Variants in RBBP6 observed in about 807,000 individuals in gnomAD.
RBBP6 encodes E3 ubiquitin-protein ligase RBBP6.
RBBP6 carries 25 observed loss-of-function variants against 167.7 expected under a neutral mutation model. That is an observed-to-expected ratio of 0.15 (90% CI 0.11 to 0.21). The LOEUF is 0.21. Among genes scored for constraint, RBBP6 ranks in the 10% least tolerant of loss-of-function variants. The pLI, the probability that RBBP6 is intolerant of heterozygous loss-of-function variation, is 1.00. For missense variants in RBBP6, 1,868 were observed against 2,134.2 expected, an observed-to-expected ratio of 0.88 and a Z score of 2.46; for synonymous variants, 789 against 735.8, an observed-to-expected ratio of 1.07 and a Z score of -1.17.
In RBBP6 at chr16:24,570,024, A is replaced by G. The variant is rs767747898; in HGVS notation, c.3334A>G (p.Lys1112Glu). Residue 1112 changes from lysine to glutamate, a missense_variant, in exon 17 of 18, where the codon AAG becomes GAG. Around this residue, in one of 7 missense-constraint regions of RBBP6, gnomAD observed 673 missense variants for 691.5 expected, o/e 0.97. Transcript: ENST00000319715. ...ACCAGTCAAAGAGGAAAAAGTGAAG[A>G]AGGACTATTCCAAAGATGTCAAATC... The part of the protein sequence containing the change: ...TKPVKEEKVK[K>E]DYSKDVKSEK... The G allele has an allele frequency of 1.0e-5, 16 of 1,604,950 alleles. No individual in the cohort carries two copies. The East Asian group carries it at 3.3e-4, about 34-fold the overall frequency.
rs1205627265 is a variant in RBBP6 at position 24,571,177 on chromosome 16, G to A, written c.4111G>A (p.Glu1371Lys). Residue 1371 changes from glutamate to lysine, a missense_variant, in exon 18 of 18, where the codon GAG becomes AAG. Physicochemically the swap from Glu to Lys is moderately conservative, Grantham distance 56 (BLOSUM62 1). Coordinates refer to ENST00000319715, the MANE Select transcript of RBBP6 (RefSeq NM_006910.5). ...TCCTGAGAAAGAAAGTGAGCCATCC[G>A]AGAAAATTCAGAAATTCACCAAGGA... is the stretch of plus-strand genomic sequence containing the variant. ...KYPEKESEPSEKIQKFTKDVS... is the reference protein window; with the variant it reads ...KYPEKESEPSKKIQKFTKDVS... 1.9e-6 allele frequency: 3 copies of A among 1,613,818 alleles called. No individual in the cohort carries two copies. Among genetic ancestry groups the A allele is most frequent in the Non-Finnish European group, 1.7e-6 (2 of 1,179,790 alleles).
At position 24,540,302 on chromosome 16, in the gene RBBP6, C is replaced by T. The variant is rs1004423069; in HGVS notation, c.-325C>T. On this transcript the variant is annotated 5_prime_UTR_variant, in exon 1 of 18. Coordinates refer to ENST00000319715, the MANE Select transcript of RBBP6 (RefSeq NM_006910.5). Reference sequence around the variant, plus strand: ...GACCGCTACTGACTGCACCGCCAATCCCCCCGTCTCTGCCGGCCCCTTAGC... The same window carrying T: ...GACCGCTACTGACTGCACCGCCAATTCCCCCGTCTCTGCCGGCCCCTTAGC... 4 of 243,134 alleles carry T rather than the reference C, an allele frequency of 1.6e-5. No homozygotes were observed. Among genetic ancestry groups the T allele is most frequent in the South Asian group, 1.1e-4 (2 of 17,858 alleles). The allele number at this position is 243,134 out of a possible 1,614,324, so 15.1% of individuals were successfully genotyped here.
chr16:24,550,532 G>GTT (rs1225931752), intron 3 of RBBP6, among the ~76,000 whole-genome samples: 1 of 151,624 alleles, frequency 6.6e-6, no homozygotes, highest in Non-Finnish European at 1.5e-5. Context: ...ATAAAGTACA[G>GTT]TTTATATAGT....
intron 3 of RBBP6, chr16:24,549,403 A>G (rs1199184766): frequency 1.0e-6 from 1 of 994,956 alleles, no homozygotes; most frequent in Non-Finnish European, 1.2e-6. Flanking sequence ...TGGAGTGTAT[A>G]TTTTGCCATT....
chr16:24,556,995 CTTTTTT>C (rs397962167), intron 7 of RBBP6, among the ~76,000 whole-genome samples: 1 of 108,862 alleles, frequency 9.2e-6, no homozygotes, highest in African/African-American at 3.6e-5. Context: ...ACCTTAATGC[CTTTTTT>C]TTTTTTTTTT....
intron 10 of RBBP6, among the ~76,000 whole-genome samples, chr16:24,562,638 C>G (rs567686903): frequency 1.3e-5 from 2 of 148,504 alleles, no homozygotes; most frequent in African/African-American, 5.0e-5. Context: ...CCTACCACTT[C>G]AGAAATGAGA....
chr16:24,567,857 A>G lies in RBBP6; in HGVS notation c.2018A>G (p.Lys673Arg). The change falls in exon 16 of 18, where the codon AAA becomes AGA. Residue 673 changes from lysine to arginine, a missense_variant. Physicochemically the swap from Lys to Arg is conservative, Grantham distance 26 (BLOSUM62 2). Around this residue, in one of 7 missense-constraint regions of RBBP6, gnomAD observed 145 missense variants for 224.3 expected, o/e 0.65. Transcript: ENST00000319715. ...NDFAKELMEY[K>R]KIQKERRRSF... ...TTTGCTAAGGAATTGATGGAATACA[A>G]AAAGATTCAAAAGGAGCGTAGGCGC... is the stretch of plus-strand genomic sequence containing the variant. The G allele has an allele frequency of 3.1e-6, 5 of 1,613,808 alleles. No homozygotes were observed. The highest frequency in any genetic ancestry group is 4.2e-6 in the Non-Finnish European group (5 of 1,179,790).
chr16:24,546,079 G>T, intron 1 of RBBP6, 84 bp from the exon 2 acceptor site: 1 of 1,459,188 alleles, frequency 6.9e-7, no homozygotes, highest in South Asian at 1.4e-5. Flanking sequence ...CATTTCCCAT[G>T]AAATTTATAT....
rs1320048438 is a variant in RBBP6 at position 24,570,491 on chromosome 16, T to C, written c.3801T>C (p.Asp1267=). 6.3e-7 allele frequency: 1 copy of C among 1,576,364 alleles called. No individual in the cohort carries two copies. Among genetic ancestry groups the C allele is most frequent in the African/African-American group, 1.4e-5 (1 of 72,836 alleles). ...GTEGSSSTLV[D]YTSTSSTGGS... The stretch of plus-strand genomic sequence containing the variant: ...AAGGATCCAGCTCAACTCTGGTGGA[T>C]TACACCAGGTAGCTGAGTGTAGGGG... The change falls in exon 17 of 18, where the codon GAT becomes GAC. Residue 1267 remains aspartate, a synonymous_variant. Transcript: ENST00000319715.
At chr16:24,548,833 A>T (rs949809984) in intron 2 of RBBP6, 112 bp from the exon 3 acceptor site, 2 of 857,814 alleles carry the variant, frequency 2.3e-6, no homozygotes, top group Non-Finnish European at 3.6e-6. Flanking sequence ...ATTTATACCA[A>T]AGGAAAATTA....
Position 24,569,409 on chromosome 16 carries a change from G to A in RBBP6, c.2719G>A (p.Gly907Ser), listed in dbSNP as rs762098320. 23 of 1,613,824 alleles carry A rather than the reference G, an allele frequency of 1.4e-5. No individual in the cohort carries two copies. Among genetic ancestry groups the A allele is most frequent in the African/African-American group, 4.0e-5 (3 of 74,846 alleles). ...NYPEKLSARD[G>S]HNQKDNTKSK... ...TCCAGAAAAGCTTTCAGCAAGAGAT[G>A]GTCACAATCAGAAGGATAATACAAA... is the stretch of plus-strand genomic sequence containing the variant. Residue 907 changes from glycine to serine, a missense_variant, in exon 17 of 18, where the codon GGT becomes AGT. Transcript: ENST00000319715.
Position 24,570,938 on chromosome 16 carries a change from C to G in RBBP6, c.3872C>G (p.Thr1291Ser). The G allele has an allele frequency of 6.2e-7, 1 of 1,601,462 alleles. No individual in the cohort carries two copies. Among genetic ancestry groups the G allele is most frequent in the Non-Finnish European group, 8.5e-7 (1 of 1,170,670 alleles). ...GAAGAAAAAACAGATACAAAGCGAACTGTGATTAAAACGATGGAAGAATAT... is the reference window on the plus strand; with the variant it reads ...GAAGAAAAAACAGATACAAAGCGAAGTGTGATTAAAACGATGGAAGAATAT... The part of the protein sequence containing the change: ...KSEEKTDTKR[T>S]VIKTMEEYNN... Residue 1291 changes from threonine to serine, a missense_variant, in exon 18 of 18, where the codon ACT (threonine) becomes AGT (serine). Thr to Ser is a moderately conservative substitution (Grantham distance 58). Transcript: ENST00000319715.
intron 2 of RBBP6, among the ~76,000 whole-genome samples, chr16:24,547,844 C>G (rs939405170): frequency 1.9e-4 from 29 of 152,114 alleles, no homozygotes; most frequent in Non-Finnish European, 1.2e-4. Flanking sequence ...TAAAAAATGG[C>G]AAATGTATTT....
chr16:24,562,699 A>G lies in RBBP6; in HGVS notation c.1290-500A>G, dbSNP rs1209395855. Among the ~76,000 whole-genome samples, 3 of 151,352 alleles carry G rather than the reference A, an allele frequency of 2.0e-5. No individual in the cohort carries two copies. In the East Asian group the frequency reaches 5.8e-4, roughly 29 times the overall value. On this transcript the variant is annotated intron_variant, in intron 10 of 17. Coordinates refer to ENST00000319715, the MANE Select transcript of RBBP6 (RefSeq NM_006910.5). The stretch of plus-strand genomic sequence containing the variant: ...CATAAATTCTTTAAAAAAAAAAAAA[A>G]AAGGTGTAAGAGGCCCATTTCAGAC...
At chr16:24,556,648 T>G (rs993660216) in intron 7 of RBBP6, among the ~76,000 whole-genome samples, 3 of 152,220 alleles carry the variant, frequency 2.0e-5, no homozygotes, top group Non-Finnish European at 4.4e-5. Flanking sequence ...TGGGGATTTT[T>G]TGTTACCAGT....
chr16:24,563,132 A>G, intron 10 of RBBP6, 67 bp from the exon 11 acceptor site: 1 of 1,327,880 alleles, frequency 7.5e-7, no homozygotes. Context: ...AACAGCAGCA[A>G]ACTTTTTTAC....
At chr16:24,564,450 T>G (rs761462050) in intron 13 of RBBP6, among the ~76,000 whole-genome samples, 1 of 152,170 alleles carries the variant, frequency 6.6e-6, no homozygotes. Flanking sequence ...TACCTTAACA[T>G]GTAAAATGAC....
intron 2 of RBBP6, among the ~76,000 whole-genome samples, chr16:24,548,202 G>A: frequency 6.6e-6 from 1 of 151,830 alleles, no homozygotes; most frequent in East Asian, 1.9e-4. Flanking sequence ...TTCTTTTGGG[G>A]TTTATGTCTT....
chr16:24,545,752 C>CT (rs1898628582), intron 1 of RBBP6, among the ~76,000 whole-genome samples: 1 of 152,222 alleles, frequency 6.6e-6, no homozygotes, highest in African/African-American at 2.4e-5. Context: ...AATTTTTAGT[C>CT]TATCTTCCTC....
Sources: allele counts gnomAD v4.1 joint callset (sites outside exome capture counted in the v4.1 genomes callset), GRCh38; gene constraint gnomAD v4.1.1; regional missense constraint gnomAD v4.1.1; transcripts MANE v1.5; gene names NCBI Gene and HGNC (gene_info 2026-07-23, HGNC 2026-07-21).